Variants in EIF4EBP2 observed in about 807,000 individuals in gnomAD.
EIF4EBP2 encodes eukaryotic translation initiation factor 4E binding protein 2.
Under a neutral mutation model 10.3 loss-of-function variants are expected in EIF4EBP2, and 5 were observed. The ratio of observed to expected loss-of-function variants is 0.48; its 90% CI spans 0.25 to 1.02. The LOEUF is 1.02. Ranked by LOEUF, EIF4EBP2 falls within the 50% of genes least tolerant of loss-of-function variation. The pLI, the probability that EIF4EBP2 is intolerant of heterozygous loss-of-function variation, is 0.15. For missense variants in EIF4EBP2, 188 were observed against 162.2 expected (o/e 1.16, Z -0.86); for synonymous variants, 67 against 61.1 (o/e 1.10, Z -0.45).
chr10:70,405,645 G>C (rs1844957969), intron 1 of EIF4EBP2, among the ~76,000 whole-genome samples: 1 of 152,178 alleles, frequency 6.6e-6, no homozygotes, highest in Admixed American at 6.5e-5. Context: ...TTGTTCCTGT[G>C]GGCAGGGCTC....
chr10:70,415,173 GAAA>G (rs1845081424), intron 1 of EIF4EBP2, among the ~76,000 whole-genome samples: 5 of 145,108 alleles, frequency 3.4e-5, no homozygotes, highest in African/African-American at 1.3e-4. Flanking sequence ...AAAAAAAAAA[GAAA>G]AGAAAAAGAA....
chr10:70,406,424 G>A (rs1194691350), intron 1 of EIF4EBP2, among the ~76,000 whole-genome samples: 2 of 152,206 alleles, frequency 1.3e-5, no homozygotes, highest in African/African-American at 2.4e-5. Context: ...AGAATTCTTT[G>A]TGGTATTGCT....
At chr10:70,404,649 C>A in intron 1 of EIF4EBP2, 103 bp downstream of exon 1, 1 of 1,360,604 alleles carries the variant, frequency 7.3e-7, no homozygotes, top group Non-Finnish European at 9.5e-7. Flanking sequence ...CCCAGCTCCA[C>A]CGAAGCCCCG....
rs1429165867 is a variant in EIF4EBP2 at position 70,407,733 on chromosome 10, C to A, written c.145+3187C>A. On this transcript the variant is annotated intron_variant, in intron 1 of 2. Transcript: ENST00000373218. ...TCACCTCCCGGGCGGGGGGCTGACCCCCCCCCCACCTCCCTCCCAGACGGG... is the reference window on the plus strand; with the variant it reads ...TCACCTCCCGGGCGGGGGGCTGACCACCCCCCCACCTCCCTCCCAGACGGG... Among the ~76,000 whole-genome samples, 84 of 130,638 alleles carry A rather than the reference C, an allele frequency of 6.4e-4. 3 individuals carry two copies. Among genetic ancestry groups the A allele is most frequent in the African/African-American group, 2.3e-3 (75 of 33,274 alleles). 85.7% of individuals were successfully genotyped at this position (130,638 alleles called of 152,430 possible). A position where few individuals can be genotyped will look rare whatever the true frequency, so the allele number is the denominator to read the frequency against.
intron 1 of EIF4EBP2, among the ~76,000 whole-genome samples, chr10:70,418,084 TG>T (rs1845115561): frequency 6.6e-6 from 1 of 152,044 alleles, no homozygotes; most frequent in African/African-American, 2.4e-5. Flanking sequence ...TATTAGGAGG[TG>T]GTGCCTTTGG....
In EIF4EBP2 at chr10:70,404,151, G is replaced by T. The variant is rs913500559; in HGVS notation, c.-251G>T. On this transcript the variant is annotated 5_prime_UTR_variant, in exon 1 of 3. Transcript: ENST00000373218. ...CTGGCTCCCGCCTTCGCCCGCTTCC[G>T]GTCGTCGTCGTCGCCGCTGCTGCCG... 6.6e-6 allele frequency among the ~76,000 whole-genome samples: 1 copy of T among 152,180 alleles called. No homozygotes were observed. The highest frequency in any genetic ancestry group is 2.4e-5 in the African/African-American group (1 of 41,472).
chr10:70,406,446 T>A (rs1018820632), intron 1 of EIF4EBP2, among the ~76,000 whole-genome samples: 5 of 152,226 alleles, frequency 3.3e-5, no homozygotes, highest in African/African-American at 1.2e-4. Flanking sequence ...AGTAAATGCC[T>A]GTGCTTCCAG....
chr10:70,417,000 A>C (rs1246926021), intron 1 of EIF4EBP2, among the ~76,000 whole-genome samples: 3 of 152,210 alleles, frequency 2.0e-5, no homozygotes, highest in Admixed American at 6.5e-5. Context: ...AAGAGAATGG[A>C]AATGTGTTCA....
chr10:70,405,181 A>T (rs1215405383), intron 1 of EIF4EBP2, among the ~76,000 whole-genome samples: 1 of 152,060 alleles, frequency 6.6e-6, no homozygotes, highest in Non-Finnish European at 1.5e-5. Flanking sequence ...TAGCCAAGGG[A>T]AAGTAGGTGG....
Position 70,420,058 on chromosome 10 carries a change from A to G in EIF4EBP2, c.290A>G (p.Asn97Ser), listed in dbSNP as rs370910249. 2.0e-5 allele frequency: 32 copies of G among 1,611,536 alleles called. No homozygotes were observed. The highest frequency in any genetic ancestry group is 2.7e-5 in the Non-Finnish European group (32 of 1,179,246). ...GAAGACTCCAAAGTAGAAGTAAACA[A>G]TTTGAACAACTTGAACAATCACGAC... is the stretch of plus-strand genomic sequence containing the variant. ...LIEDSKVEVN[N>S]LNNLNNHDRK... Residue 97 changes from asparagine (N) to serine (S), a missense_variant, in exon 2 of 3, where the codon AAT becomes AGT. Physicochemically the swap from Asn to Ser is conservative, Grantham distance 46. Coordinates refer to ENST00000373218, the MANE Select transcript of EIF4EBP2 (RefSeq NM_004096.5).
chr10:70,406,412 C>T (rs915049283), intron 1 of EIF4EBP2, among the ~76,000 whole-genome samples: 2 of 152,190 alleles, frequency 1.3e-5, no homozygotes, highest in Non-Finnish European at 2.9e-5. Context: ...ATAACTTCTT[C>T]CAGAATTCTT....
At chr10:70,412,353 G>A (rs1845054803) in intron 1 of EIF4EBP2, among the ~76,000 whole-genome samples, 1 of 145,390 alleles carries the variant, frequency 6.9e-6, no homozygotes, top group Middle Eastern at 3.2e-3. Context: ...TTCTAATTCT[G>A]GAAGCAGACT....
At chr10:70,404,594 C>G in intron 1 of EIF4EBP2, 48 bp downstream of exon 1, 1 of 1,486,110 alleles carries the variant, frequency 6.7e-7, no homozygotes, top group African/African-American at 1.5e-5. Context: ...CGCCGCGGTC[C>G]TCTAACTCCT....
intron 1 of EIF4EBP2, among the ~76,000 whole-genome samples, chr10:70,413,629 A>G (rs991634167): frequency 1.0e-3 from 156 of 151,618 alleles, no homozygotes; most frequent in African/African-American, 3.5e-3. Flanking sequence ...AAAAAAAAAA[A>G]AAGAAATCAG....
At chr10:70,409,657 G>T (rs978561581) in intron 1 of EIF4EBP2, among the ~76,000 whole-genome samples, 1 of 152,186 alleles carries the variant, frequency 6.6e-6, no homozygotes, top group Non-Finnish European at 1.5e-5. Flanking sequence ...TGGAATGCTA[G>T]CTAATATGAT....
chr10:70,418,766 T>G (rs555241281), intron 1 of EIF4EBP2, among the ~76,000 whole-genome samples: 12 of 152,322 alleles, frequency 7.9e-5, no homozygotes, highest in Middle Eastern at 3.4e-3. Flanking sequence ...TTTTTGTTTT[T>G]CAAAGCAAAG....
At chr10:70,418,611 A>G (rs1379582854) in intron 1 of EIF4EBP2, among the ~76,000 whole-genome samples, 2 of 152,234 alleles carry the variant, frequency 1.3e-5, no homozygotes, top group Non-Finnish European at 2.9e-5. Context: ...GTTGAAGGCC[A>G]TAAAGGGATT....
rs1480911745 is a variant in EIF4EBP2 at position 70,428,246 on chromosome 10, G to A, written c.*6499G>A. On this transcript the variant is annotated 3_prime_UTR_variant, in exon 3 of 3. Transcript: ENST00000373218. Reference sequence around the variant, plus strand: ...AGCCCAGAGGACACTCACGTGCTAAGGTGTCCATTTTATGCATCTTTAAAA... The same window carrying A: ...AGCCCAGAGGACACTCACGTGCTAAAGTGTCCATTTTATGCATCTTTAAAA... The A allele has an allele frequency of 6.6e-6, 1 of 151,812 alleles. No homozygotes were observed. Among genetic ancestry groups the A allele is most frequent in the Non-Finnish European group, 1.5e-5 (1 of 67,992 alleles). 9.4% of individuals were successfully genotyped at this position (151,812 alleles called of 1,614,324 possible). A position where few individuals can be genotyped will look rare whatever the true frequency, so the allele number is the denominator to read the frequency against.
chr10:70,419,847 C>A (rs1036201471), intron 1 of EIF4EBP2, 67 bp from the exon 2 acceptor site: 7 of 1,121,166 alleles, frequency 6.2e-6, no homozygotes, highest in Non-Finnish European at 8.7e-6. Flanking sequence ...AAATTAAATT[C>A]CTGGGTGGTA....
Sources: gnomAD v4.1 joint callset for allele counts (sites outside exome capture counted in the v4.1 genomes callset) on GRCh38, gnomAD v4.1.1 for gene constraint, MANE v1.5 for transcripts, NCBI Gene and HGNC (gene_info 2026-07-23, HGNC 2026-07-21) for gene names.